Variants in CEP112 observed in about 807,000 individuals in gnomAD.
CEP112 encodes centrosomal protein of 112 kDa.
A neutral mutation model predicts 153.0 loss-of-function variants in CEP112; 127 were observed. The observed-to-expected ratio is 0.83, with a 90% CI of 0.72 to 0.96. The LOEUF is 0.96. Among genes scored for constraint, CEP112 ranks in the 40% least tolerant of loss-of-function variants. The pLI, the probability that CEP112 is intolerant of heterozygous loss-of-function variation, is 0.00. For synonymous variants in CEP112, 358 were observed against 374.4 expected, an observed-to-expected ratio of 0.96 and a Z score of 0.51; for missense variants, 1,089 against 1,101.2, an observed-to-expected ratio of 0.99 and a Z score of 0.16.
intron 2 of CEP112, among the ~76,000 whole-genome samples, 167 bp from the exon 3 acceptor site, chr17:66,177,187 T>C (rs2072517546): frequency 6.6e-6 from 1 of 152,246 alleles, no homozygotes; most frequent in African/African-American, 2.4e-5. Context: ...ATATGATCTC[T>C]GGCATAACTA....
intron 16 of CEP112, among the ~76,000 whole-genome samples, chr17:66,007,225 C>T (rs1383959279): frequency 1.3e-5 from 2 of 152,094 alleles, no homozygotes; most frequent in Admixed American, 6.6e-5. Context: ...TAAGAATACA[C>T]TGAGAGGCAG....
intron 20 of CEP112, chr17:65,873,224 C>T (rs988065883): frequency 1.3e-5 from 2 of 152,166 alleles, no homozygotes; most frequent in Admixed American, 1.3e-4. Flanking sequence ...GGCTCACCTG[C>T]CTGACTAAAC....
At chr17:65,667,630 C>G (rs1302630931) in intron 24 of CEP112, among the ~76,000 whole-genome samples, 2 of 151,716 alleles carry the variant, frequency 1.3e-5, no homozygotes, top group Admixed American at 6.6e-5. Flanking sequence ...AAATTAGAAG[C>G]AATAATATTT....
intron 6 of CEP112, among the ~76,000 whole-genome samples, chr17:66,115,481 T>C (rs1598381253): frequency 6.6e-6 from 1 of 152,238 alleles, no homozygotes; most frequent in South Asian, 2.1e-4. Flanking sequence ...AAGAGTCCCA[T>C]AGACAGTTCT....
At chr17:66,002,731 A>G (rs181584308) in intron 17 of CEP112, among the ~76,000 whole-genome samples, 11 of 152,238 alleles carry the variant, frequency 7.2e-5, no homozygotes, top group Admixed American at 2.0e-4. Context: ...ATATAAATTC[A>G]TATTTATATA....
intron 20 of CEP112, among the ~76,000 whole-genome samples, chr17:65,892,627 G>A (rs78699497): frequency 0.017 from 2,532 of 152,108 alleles, 80 homozygotes; most frequent in African/African-American, 0.057. Context: ...TACAGTCCGG[G>A]CTTTAACAGG....
At chr17:65,661,747 G>A (rs1351417378) in intron 24 of CEP112, 1 of 152,106 alleles carries the variant, frequency 6.6e-6, no homozygotes, top group Admixed American at 6.6e-5. Context: ...TATTATGTAG[G>A]CTGGAGTTTG....
intron 18 of CEP112, among the ~76,000 whole-genome samples, chr17:65,944,376 C>A (rs1481109416): frequency 1.3e-5 from 2 of 152,170 alleles, no homozygotes; most frequent in Non-Finnish European, 2.9e-5. Flanking sequence ...TTCTTCCCTG[C>A]TCAAAGCACT....
At chr17:66,071,704 C>A (rs977391538) in intron 8 of CEP112, among the ~76,000 whole-genome samples, 1 of 152,146 alleles carries the variant, frequency 6.6e-6, no homozygotes, top group Non-Finnish European at 1.5e-5. Context: ...AACTAACACA[C>A]CAAGTTAGCT....
intron 6 of CEP112, among the ~76,000 whole-genome samples, chr17:66,121,506 T>G (rs2069589430): frequency 1.3e-5 from 2 of 152,176 alleles, no homozygotes; most frequent in Non-Finnish European, 2.9e-5. Flanking sequence ...ACTTATGGTA[T>G]TCCACATTTC....
intron 17 of CEP112, among the ~76,000 whole-genome samples, chr17:65,962,780 G>A (rs1260575995): frequency 6.6e-6 from 1 of 152,116 alleles, no homozygotes; most frequent in Non-Finnish European, 1.5e-5. Context: ...CCCTGCACAA[G>A]CTCTCTTTTT....
chr17:66,082,608 T>A (rs2067764107), intron 8 of CEP112, among the ~76,000 whole-genome samples: 1 of 151,866 alleles, frequency 6.6e-6, no homozygotes, highest in African/African-American at 2.4e-5. Flanking sequence ...ACTAAAAACA[T>A]AAAAATTAGC....
At position 66,053,809 on chromosome 17, in the gene CEP112, TG is replaced by T. The variant is rs2066556023; in HGVS notation, c.1144del (p.Gln382LysfsTer11). ...CACATTTGTATCCTCAAGCAATTCT[TG>T]AATGTTTTCAGTGTGTTGCTTTTGA... is the stretch of plus-strand genomic sequence containing the variant. Reference protein sequence around the residue: ...DLQKQHTENIQELLEDTNVRL... With the variant: ...DLQKQHTENIXELLEDTNVRL... On this transcript the variant is annotated frameshift_variant, in exon 12 of 27. Coordinates refer to ENST00000535342, the MANE Select transcript of CEP112 (RefSeq NM_001199165.4). LOFTEE classifies it high-confidence loss of function. 1.2e-6 allele frequency: 2 copies of T among 1,613,126 alleles called. No homozygotes were observed. The highest frequency in any genetic ancestry group is 1.7e-6 in the Non-Finnish European group (2 of 1,179,422).
At position 65,909,666 on chromosome 17, in the gene CEP112, A is replaced by C. The variant is rs79567959; in HGVS notation, c.1981-7332T>G. Among the ~76,000 whole-genome samples the C allele has an allele frequency of 5.1e-4, 78 of 152,346 alleles. 1 individual carries two copies. In the East Asian group the frequency reaches 0.013, roughly 25 times the overall value. ...ATAGGGAAAACTGAAAATTGTGAAA[A>C]GAACAAAAACAAACATTAAATACAG... On this transcript the variant is annotated intron_variant, in intron 19 of 26. Transcript: ENST00000535342.
intron 9 of CEP112, 37 bp from the exon 10 acceptor site, chr17:66,066,914 T>C: frequency 7.7e-7 from 1 of 1,296,332 alleles, no homozygotes; most frequent in Non-Finnish European, 1.0e-6. Context: ...TATATTGTAC[T>C]ACTTTACATA....
intron 21 of CEP112, among the ~76,000 whole-genome samples, chr17:65,754,115 AAG>A (rs372977711): frequency 2.0e-5 from 3 of 152,232 alleles, no homozygotes; most frequent in African/African-American, 4.8e-5. Flanking sequence ...TCAATCAAGA[AAG>A]AGAGAGAGGA....
chr17:66,088,170 T>C (rs2068010883), intron 8 of CEP112, among the ~76,000 whole-genome samples: 1 of 151,714 alleles, frequency 6.6e-6, no homozygotes, highest in Admixed American at 6.6e-5. Flanking sequence ...GGTTCCTGGC[T>C]AGCCTCTGTA....
chr17:65,685,903 C>T (rs1383010427), intron 24 of CEP112, among the ~76,000 whole-genome samples: 4 of 151,966 alleles, frequency 2.6e-5, no homozygotes, highest in African/African-American at 9.7e-5. Context: ...AAACTCCTAA[C>T]CTCAGGTGAT....
At chr17:66,119,338 AAAAAAT>A (rs2146440395) in intron 6 of CEP112, among the ~76,000 whole-genome samples, 1 of 152,330 alleles carries the variant, frequency 6.6e-6, no homozygotes, top group East Asian at 1.9e-4. Context: ...CCCAGAACTT[AAAAAAT>A]AATAAAATAA....
Sources: gnomAD v4.1 joint callset for allele counts (sites outside exome capture counted in the v4.1 genomes callset) on GRCh38, gnomAD v4.1.1 for gene constraint, MANE v1.5 for transcripts, NCBI Gene and HGNC (gene_info 2026-07-23, HGNC 2026-07-21) for gene names.